CDC73: variants seen among roughly 807,000 people sequenced by gnomAD.
CDC73 encodes the protein cell division cycle 73.
In CDC73, 21 loss-of-function variants were observed where a neutral mutation model predicts 83.7. The ratio of observed to expected loss-of-function variants is 0.25; its 90% CI spans 0.18 to 0.36. The LOEUF (loss-of-function observed/expected upper bound fraction) is 0.36, where lower values mean the gene tolerates loss of function less well. CDC73 is among the 10% of genes least tolerant of loss of function. The probability of loss-of-function intolerance (pLI) is 1.00; values close to 1 mark genes in which losing one functional copy is unlikely to be tolerated. For synonymous variants in CDC73, 224 were observed against 212.9 expected (o/e 1.05, Z -0.45); for missense variants, 342 against 653.3 (o/e 0.52, Z 5.19).
intron 13 of CDC73, among the ~76,000 whole-genome samples, chr1:193,214,476 G>A (rs985487949): frequency 6.6e-6 from 1 of 152,164 alleles, no homozygotes; most frequent in African/African-American, 2.4e-5. Context: ...ACAGCACTTT[G>A]GGAGGCCGAG....
In CDC73 at chr1:193,250,706, A is replaced by G. The variant is rs1456447381; in HGVS notation, c.1590A>G (p.Arg530=). The G allele has an allele frequency of 6.2e-7, 1 of 1,608,452 alleles. No homozygotes were observed. The highest frequency in any genetic ancestry group is 1.3e-5 in the African/African-American group (1 of 74,878). Residue 530 remains arginine (R), a synonymous_variant, in exon 17 of 17, where the codon AGA becomes AGG. Transcript: ENST00000367435. ...TGGTAAAGCATAAATCGCACTTGAG[A>G]TTCTGAATTATTTGGCTCCTCCATT... ...RYMVKHKSHL[R]F
At chr1:193,134,326 A>T (rs1282477084) in intron 3 of CDC73, among the ~76,000 whole-genome samples, 1 of 152,168 alleles carries the variant, frequency 6.6e-6, no homozygotes, top group East Asian at 1.9e-4. Context: ...GGACCTAGTT[A>T]AATAAATTGT....
At chr1:193,182,954 A>G (rs2103160843) in intron 10 of CDC73, among the ~76,000 whole-genome samples, 1 of 152,202 alleles carries the variant, frequency 6.6e-6, no homozygotes, top group Middle Eastern at 3.4e-3. Flanking sequence ...AAAAAGTTTT[A>G]ATACAGGAGC....
chr1:193,217,172 A>G (rs1164804223), intron 13 of CDC73, among the ~76,000 whole-genome samples: 3 of 152,054 alleles, frequency 2.0e-5, no homozygotes, highest in Non-Finnish European at 4.4e-5. Flanking sequence ...CTAGGGGAGC[A>G]CACCGACGGG....
chr1:193,225,528 T>G (rs1367822467), intron 13 of CDC73, among the ~76,000 whole-genome samples: 1 of 152,152 alleles, frequency 6.6e-6, no homozygotes, highest in Non-Finnish European at 1.5e-5. Context: ...CCACTAGCAA[T>G]GTAGAAGTGT....
At chr1:193,197,283 A>G (rs538946363) in intron 10 of CDC73, among the ~76,000 whole-genome samples, 7 of 152,142 alleles carry the variant, frequency 4.6e-5, no homozygotes, top group Non-Finnish European at 1.0e-4. Context: ...TTGCATTCCA[A>G]GAATGAATCC....
At chr1:193,205,862 A>G (rs1393341426) in intron 11 of CDC73, among the ~76,000 whole-genome samples, 2 of 152,188 alleles carry the variant, frequency 1.3e-5, no homozygotes, top group Non-Finnish European at 2.9e-5. Context: ...AAAGAATACT[A>G]AACATGAAGT....
chr1:193,180,808 T>C, intron 10 of CDC73: 1 of 1,614,118 alleles, frequency 6.2e-7, no homozygotes, highest in Non-Finnish European at 8.5e-7. Flanking sequence ...CATGTCACTG[T>C]CAGTTTTCAT....
intron 1 of CDC73, among the ~76,000 whole-genome samples, chr1:193,123,975 C>T (rs961399575): frequency 2.0e-5 from 3 of 152,148 alleles, no homozygotes; most frequent in Non-Finnish European, 4.4e-5. Flanking sequence ...AATGAATGAA[C>T]AAACAAGCTT....
At chr1:193,185,101 G>A (rs1676783610) in intron 10 of CDC73, among the ~76,000 whole-genome samples, 2 of 151,984 alleles carry the variant, frequency 1.3e-5, no homozygotes, top group Admixed American at 1.3e-4. Flanking sequence ...TAGCCTGGAA[G>A]CATAGTAGCT....
chr1:193,193,780 A>AGTGTGTGTGTGT (rs71111459), intron 10 of CDC73, among the ~76,000 whole-genome samples: 38 of 135,918 alleles, frequency 2.8e-4, no homozygotes, highest in East Asian at 8.9e-4. Context: ...TCTTACTTGT[A>AGTGTGTGTGTGT]GTGTGTGTGT....
At chr1:193,203,762 T>G (rs757871416) in intron 10 of CDC73, 33 bp from the exon 11 acceptor site, 26 of 1,525,912 alleles carry the variant, frequency 1.7e-5, no homozygotes, top group Non-Finnish European at 2.4e-5. Context: ...AAAGAAACTT[T>G]GATCTTATAT....
intron 13 of CDC73, among the ~76,000 whole-genome samples, chr1:193,222,577 T>C (rs1431702792): frequency 6.6e-6 from 1 of 152,192 alleles, no homozygotes; most frequent in African/African-American, 2.4e-5. Flanking sequence ...TAATCAGTCC[T>C]ATGAGGGAAA....
Position 193,248,940 on chromosome 1 carries a change from G to A in CDC73, c.1418-790G>A, listed in dbSNP as rs148551944. On this transcript the variant is annotated intron_variant, in intron 15 of 16. Transcript: ENST00000367435. Reference sequence around the variant, plus strand: ...TAAACGTTGTTGAAATGACAACAAAGGATTTAGAACATGACATAAATATAG... The same window carrying A: ...TAAACGTTGTTGAAATGACAACAAAAGATTTAGAACATGACATAAATATAG... Among the ~76,000 whole-genome samples the A allele has an allele frequency of 1.7e-4, 26 of 152,138 alleles. No individual in the cohort carries two copies. In the East Asian group the frequency reaches 4.8e-3, roughly 28 times the overall value.
Position 193,180,109 on chromosome 1 carries a change from A to C in CDC73, c.973-23686A>C, listed in dbSNP as rs564242127. ...TTTTTTAAATAGATTGTTTTGGGAA[A>C]CCTTTTTTGTTATATAATGTTATAG... On this transcript the variant is annotated intron_variant, in intron 10 of 16. Coordinates refer to ENST00000367435, the MANE Select transcript of CDC73 (RefSeq NM_024529.5). 7 of 499,952 alleles carry C rather than the reference A, an allele frequency of 1.4e-5. No individual in the cohort carries two copies. In the African/African-American group the frequency reaches 1.4e-4, roughly 10 times the overall value. 31.0% of individuals were successfully genotyped at this position (499,952 alleles called of 1,614,324 possible).
In CDC73 at chr1:193,252,199, T is replaced by C. The variant is rs1678054072; in HGVS notation, c.*1487T>C. 1 of 231,126 alleles carries C rather than the reference T, an allele frequency of 4.3e-6. No individual in the cohort carries two copies. Among genetic ancestry groups the C allele is most frequent in the East Asian group, 6.1e-5 (1 of 16,264 alleles). The allele number at this position is 231,126 out of a possible 1,614,324, so 14.3% of individuals were successfully genotyped here. Reference sequence around the variant, plus strand: ...CATTTTAAATTACTAGATTTTAGCATACTTAACAAGGTTTGAACAGATTCT... The same window carrying C: ...CATTTTAAATTACTAGATTTTAGCACACTTAACAAGGTTTGAACAGATTCT... On this transcript the variant is annotated 3_prime_UTR_variant, in exon 17 of 17. Transcript: ENST00000367435.
At chr1:193,170,184 C>T (rs1021071931) in intron 10 of CDC73, among the ~76,000 whole-genome samples, 1 of 152,164 alleles carries the variant, frequency 6.6e-6, no homozygotes, top group East Asian at 1.9e-4. Context: ...TTTTCTTTAT[C>T]CAGTCTATCA....
rs150894778 is a variant in CDC73 at position 193,252,545 on chromosome 1, A to G, written c.*1833A>G. On this transcript the variant is annotated 3_prime_UTR_variant, in exon 17 of 17. Coordinates refer to ENST00000367435, the MANE Select transcript of CDC73 (RefSeq NM_024529.5). ...TACTTTGAATGAGGTTTATTTTTCTATTTTGAATTTGCCTTATGTATATTC... is the reference window on the plus strand; with the variant it reads ...TACTTTGAATGAGGTTTATTTTTCTGTTTTGAATTTGCCTTATGTATATTC... 80 of 230,612 alleles carry G rather than the reference A, an allele frequency of 3.5e-4. 1 individual carries two copies. In the South Asian group the frequency reaches 6.3e-3, roughly 18 times the overall value. The allele number at this position is 230,612 out of a possible 1,614,324, so 14.3% of individuals were successfully genotyped here.
intron 2 of CDC73, among the ~76,000 whole-genome samples, chr1:193,126,735 C>T (rs1169144586): frequency 6.6e-6 from 1 of 151,952 alleles, no homozygotes; most frequent in African/African-American, 2.4e-5. Context: ...TACTTTTTCC[C>T]ATTTCTTATA....
Sources: gnomAD v4.1 joint callset for allele counts (sites outside exome capture counted in the v4.1 genomes callset) on GRCh38, gnomAD v4.1.1 for gene constraint, MANE v1.5 for transcripts, NCBI Gene and HGNC (gene_info 2026-07-23, HGNC 2026-07-21) for gene names.